Variants in NOL4L observed in about 807,000 individuals in gnomAD.
NOL4L encodes the protein nucleolar protein 4 like, also known as nucleolar protein 4-like.
A neutral mutation model predicts 64.5 loss-of-function variants in NOL4L; 7 were observed. The ratio of observed to expected loss-of-function variants is 0.11; its 90% CI spans 0.06 to 0.20. NOL4L has a LOEUF of 0.20. Ranked by LOEUF, NOL4L falls within the 10% of genes least tolerant of loss-of-function variation. The pLI, the probability that NOL4L is intolerant of heterozygous loss-of-function variation, is 1.00. For synonymous variants in NOL4L, 413 were observed against 401.0 expected (o/e 1.03, Z -0.36); for missense variants, 680 against 967.1 (o/e 0.70, Z 3.94).
At chr20:32,564,803 G>T (rs956522340) in intron 1 of NOL4L, among the ~76,000 whole-genome samples, 1 of 152,258 alleles carries the variant, frequency 6.6e-6, no homozygotes, top group Admixed American at 6.5e-5. Context: ...AGTGCCTCGG[G>T]GGGCTGAAGC....
chr20:32,580,095 G>A (rs1304189368), intron 1 of NOL4L, among the ~76,000 whole-genome samples: 2 of 152,234 alleles, frequency 1.3e-5, no homozygotes, highest in East Asian at 3.8e-4. Flanking sequence ...ATTGGATCAG[G>A]TTGCAAGACC....
At chr20:32,465,825 G>T (rs1044204750) in intron 5 of NOL4L, among the ~76,000 whole-genome samples, 1 of 152,180 alleles carries the variant, frequency 6.6e-6, no homozygotes, top group African/African-American at 2.4e-5. Flanking sequence ...CCTTGAACAG[G>T]CTCCCGGTGG....
chr20:32,449,156 G>A (rs188782078), intron 10 of NOL4L, among the ~76,000 whole-genome samples: 2 of 152,342 alleles, frequency 1.3e-5, no homozygotes, highest in Admixed American at 1.3e-4. Context: ...ATCTGGGCAG[G>A]TGCAGGCAGA....
intron 5 of NOL4L, among the ~76,000 whole-genome samples, chr20:32,469,562 G>C (rs1362632645): frequency 6.6e-6 from 1 of 151,900 alleles, no homozygotes; most frequent in Non-Finnish European, 1.5e-5. Flanking sequence ...GTAGAGACAG[G>C]GTTTTTCTAT....
At chr20:32,531,926 T>A (rs1442605175) in intron 1 of NOL4L, among the ~76,000 whole-genome samples, 1 of 152,188 alleles carries the variant, frequency 6.6e-6, no homozygotes, top group African/African-American at 2.4e-5. Flanking sequence ...TGCACAGTCT[T>A]ATTTAATTCC....
chr20:32,501,660 C>T (rs1323317919), intron 4 of NOL4L, among the ~76,000 whole-genome samples: 1 of 151,968 alleles, frequency 6.6e-6, no homozygotes, highest in Non-Finnish European at 1.5e-5. Context: ...AAAGTTAAAA[C>T]TGTTCTCAAA....
chr20:32,525,199 C>G (rs1350672757), intron 2 of NOL4L, among the ~76,000 whole-genome samples: 1 of 152,258 alleles, frequency 6.6e-6, no homozygotes, highest in Non-Finnish European at 1.5e-5. Flanking sequence ...CTCCCCACAG[C>G]ATGGAGGCCG....
intron 4 of NOL4L, chr20:32,483,559 A>AGCGGCGGCAGCG: frequency 2.1e-6 from 2 of 959,176 alleles, no homozygotes; most frequent in Non-Finnish European, 2.4e-6. Context: ...CCAGGCGAGC[A>AGCGGCGGCAGCG]GCGGCGGCAG....
At chr20:32,561,025 A>ATGAC (rs1978982970) in intron 1 of NOL4L, 1 of 152,340 alleles carries the variant, frequency 6.6e-6, no homozygotes, top group Non-Finnish European at 1.5e-5. Context: ...CCACGGCGGC[A>ATGAC]TGACGGATGT....
chr20:32,447,766 GGGTGGTGGA>G lies in NOL4L; in HGVS notation c.1864_1872del (p.Ser622_Thr624del). 2 of 1,589,276 alleles carry G rather than the reference GGGTGGTGGA, an allele frequency of 1.3e-6. No homozygotes were observed. The highest frequency in any genetic ancestry group is 1.7e-6 in the Non-Finnish European group (2 of 1,164,520). On this transcript the variant is annotated inframe_deletion, in exon 11 of 11. Transcript: ENST00000621426. ...CTGGTGCTGGAGGGGGTGGGCGTGGGGGTGGTGGAGGTGGTAGAGGCCCCGCCTTTCATG... is the reference window on the plus strand; with the variant it reads ...CTGGTGCTGGAGGGGGTGGGCGTGGGGGTGGTAGAGGCCCCGCCTTTCATG...
chr20:32,584,159 A>G (rs1023286618), intron 1 of NOL4L, among the ~76,000 whole-genome samples: 1 of 125,770 alleles, frequency 8.0e-6, no homozygotes, highest in Non-Finnish European at 1.7e-5. Context: ...ACACACACAC[A>G]CACACACACA....
At chr20:32,462,359 G>A (rs1018196972) in intron 5 of NOL4L, among the ~76,000 whole-genome samples, 12 of 152,304 alleles carry the variant, frequency 7.9e-5, no homozygotes, top group Admixed American at 7.2e-4. Context: ...CCGGGGGCTG[G>A]GATCGCTCTG....
At chr20:32,455,140 A>G (rs999495068) in intron 6 of NOL4L, among the ~76,000 whole-genome samples, 3 of 152,190 alleles carry the variant, frequency 2.0e-5, no homozygotes, top group African/African-American at 7.2e-5. Flanking sequence ...TGGAGAAAAA[A>G]CTAAGATAGG....
intron 4 of NOL4L, among the ~76,000 whole-genome samples, chr20:32,479,754 A>ACAGAGC (rs2015608592): frequency 6.6e-6 from 1 of 152,214 alleles, no homozygotes; most frequent in Admixed American, 6.5e-5. Flanking sequence ...TCACAGGGTA[A>ACAGAGC]CAGAGCCAAA....
intron 5 of NOL4L, 120 bp from the exon 6 acceptor site, chr20:32,456,515 T>G: frequency 2.0e-6 from 2 of 1,019,952 alleles, no homozygotes; most frequent in Non-Finnish European, 2.6e-6. Context: ...TGAGTGCTGC[T>G]ACCCCACCTC....
In NOL4L at chr20:32,456,194, G is replaced by C; in HGVS notation, c.1043C>G (p.Ala348Gly). ...KLPPATALGTASYPSDGCGAD... is the reference protein window; with the variant it reads ...KLPPATALGTGSYPSDGCGAD... ...ACCGCAGCCATCCGAGGGGTAGGAG[G>C]CTGTGCCAAGTGCCGTGGCCGGCGG... is the stretch of plus-strand genomic sequence containing the variant. The change falls in exon 6 of 11, where the codon GCC (alanine) becomes GGC (glycine). Residue 348 changes from alanine to glycine, a missense_variant. Around this residue, in one of 4 missense-constraint regions of NOL4L, gnomAD observed 254 missense variants for 238.7 expected, o/e 1.06. Coordinates refer to ENST00000621426, the MANE Select transcript of NOL4L (RefSeq NM_001256798.2). The C allele has an allele frequency of 3.7e-6, 6 of 1,606,618 alleles. No homozygotes were observed. Among genetic ancestry groups the C allele is most frequent in the Non-Finnish European group, 5.1e-6 (6 of 1,176,734 alleles).
intron 4 of NOL4L, among the ~76,000 whole-genome samples, chr20:32,493,245 A>G (rs1398379436): frequency 1.3e-5 from 2 of 152,186 alleles, no homozygotes; most frequent in Non-Finnish European, 2.9e-5. Flanking sequence ...GGTCCAAGGA[A>G]GCCATGCAGG....
intron 4 of NOL4L, among the ~76,000 whole-genome samples, chr20:32,488,632 A>T (rs1413008858): frequency 6.6e-6 from 1 of 152,202 alleles, no homozygotes; most frequent in African/African-American, 2.4e-5. Context: ...GAGGAAGAAC[A>T]GTGTCTCTTA....
chr20:32,454,149 G>A (rs1353806882), intron 6 of NOL4L: 3 of 199,278 alleles, frequency 1.5e-5, no homozygotes, highest in South Asian at 1.2e-4. Context: ...GCCTCCTCTC[G>A]TGCCAAGATA....
Sources: gnomAD v4.1 joint callset for allele counts (sites outside exome capture counted in the v4.1 genomes callset) on GRCh38, gnomAD v4.1.1 for gene constraint, gnomAD v4.1.1 regional missense constraint, MANE v1.5 for transcripts, NCBI Gene and HGNC (gene_info 2026-07-23, HGNC 2026-07-21) for gene names.